PTPRD: variants seen among roughly 807,000 people sequenced by gnomAD.
The protein encoded by PTPRD is protein tyrosine phosphatase receptor type D.
A neutral mutation model predicts 214.5 loss-of-function variants in PTPRD; 34 were observed. That is an observed-to-expected ratio of 0.16 (90% CI 0.12 to 0.21). The LOEUF is 0.21. Ranked by LOEUF, PTPRD falls within the 10% of genes least tolerant of loss-of-function variation. PTPRD has a pLI of 1.00. For synonymous variants in PTPRD, 1,128 were observed against 845.7 expected (o/e 1.33, Z -5.79); for missense variants, 2,545 against 2,398.7 (o/e 1.06, Z -1.27).
chr9:9,550,190 T>C (rs2079846387), intron 8 of PTPRD, among the ~76,000 whole-genome samples: 1 of 151,900 alleles, frequency 6.6e-6, no homozygotes, highest in Non-Finnish European at 1.5e-5. Flanking sequence ...CTGCCTCTAC[T>C]GTAGCATAGA....
intron 9 of PTPRD, among the ~76,000 whole-genome samples, chr9:9,348,349 T>C (rs962990642): frequency 3.3e-5 from 5 of 152,148 alleles, no homozygotes; most frequent in Non-Finnish European, 5.9e-5. Context: ...TGTCTTGGCT[T>C]TCCTCCAACA....
intron 10 of PTPRD, among the ~76,000 whole-genome samples, chr9:9,167,420 G>C (rs2099906412): frequency 6.6e-6 from 1 of 151,474 alleles, no homozygotes; most frequent in Non-Finnish European, 1.5e-5. Flanking sequence ...GAATAAAAAT[G>C]ATTCCAAAAC....
At chr9:9,296,017 T>C (rs1034167019) in intron 9 of PTPRD, among the ~76,000 whole-genome samples, 1 of 151,822 alleles carries the variant, frequency 6.6e-6, no homozygotes, top group African/African-American at 2.4e-5. Flanking sequence ...TTTTGTTTGT[T>C]TGTTTTGTTT....
chr9:9,993,029 A>C (rs7466206), intron 4 of PTPRD, among the ~76,000 whole-genome samples: 107,038 of 151,750 alleles, frequency 0.71, 38,008 homozygotes, highest in Middle Eastern at 0.78. Context: ...AACTTTCATA[A>C]ATAGTTGTTG....
At chr9:8,657,558 C>T (rs552541737) in intron 12 of PTPRD, among the ~76,000 whole-genome samples, 13 of 152,116 alleles carry the variant, frequency 8.5e-5, no homozygotes, top group African/African-American at 2.2e-4. Context: ...CAGATGAATA[C>T]GTTGAAAAAA....
chr9:9,886,668 T>A (rs534010636), intron 5 of PTPRD, among the ~76,000 whole-genome samples: 10 of 152,310 alleles, frequency 6.6e-5, no homozygotes, highest in Admixed American at 2.6e-4. Flanking sequence ...TGGGACTTCA[T>A]TGTACTACAA....
intron 10 of PTPRD, among the ~76,000 whole-genome samples, chr9:9,124,322 A>G (rs2099821269): frequency 6.6e-6 from 1 of 152,106 alleles, no homozygotes; most frequent in South Asian, 2.1e-4. Flanking sequence ...CTTTCTAACT[A>G]TCTATCTATC....
chr9:9,353,860 T>C (rs2052517732), intron 9 of PTPRD, among the ~76,000 whole-genome samples: 1 of 151,930 alleles, frequency 6.6e-6, no homozygotes, highest in African/African-American at 2.4e-5. Flanking sequence ...TCCTCAGCTA[T>C]CACAAGGCTG....
At chr9:10,063,825 G>A (rs1030564136) in intron 3 of PTPRD, among the ~76,000 whole-genome samples, 2 of 151,842 alleles carry the variant, frequency 1.3e-5, no homozygotes, top group African/African-American at 2.4e-5. Flanking sequence ...TAGCAGTACT[G>A]GGGAAAAACA....
chr9:10,411,518 T>C (rs1035217866), intron 2 of PTPRD, among the ~76,000 whole-genome samples: 9 of 151,774 alleles, frequency 5.9e-5, no homozygotes, highest in African/African-American at 1.7e-4. Flanking sequence ...TCAGAAAGTG[T>C]TGGAAACCTG....
At chr9:8,400,034 T>C (rs901638130) in intron 36 of PTPRD, among the ~76,000 whole-genome samples, 2 of 152,124 alleles carry the variant, frequency 1.3e-5, no homozygotes, top group Non-Finnish European at 2.9e-5. Context: ...TGTCTTGTCT[T>C]TGTTGTTGAA....
intron 5 of PTPRD, among the ~76,000 whole-genome samples, chr9:9,934,771 C>CA (rs1196051441): frequency 5.3e-5 from 8 of 151,424 alleles, no homozygotes; most frequent in African/African-American, 1.9e-4. Context: ...GAGACACAAC[C>CA]AAAAAAGAGA....
chr9:10,476,228 G>A (rs779132737), intron 2 of PTPRD, among the ~76,000 whole-genome samples: 93 of 152,246 alleles, frequency 6.1e-4, no homozygotes, highest in Non-Finnish European at 8.4e-4. Flanking sequence ...TGTATATTTA[G>A]AAAACCCCAT....
chr9:9,896,505 A>C (rs1042999724), intron 5 of PTPRD, among the ~76,000 whole-genome samples: 2 of 152,026 alleles, frequency 1.3e-5, no homozygotes, highest in African/African-American at 4.8e-5. Context: ...AGTCTAGTGC[A>C]TTTGGATAGC....
chr9:9,750,299 G>C (rs889663979), intron 6 of PTPRD, among the ~76,000 whole-genome samples: 2 of 151,976 alleles, frequency 1.3e-5, no homozygotes, highest in Non-Finnish European at 1.5e-5. Context: ...TTTAAAAACT[G>C]TCTTTGCTTT....
chr9:9,132,164 T>C (rs1037410532), intron 10 of PTPRD, among the ~76,000 whole-genome samples: 6 of 152,038 alleles, frequency 3.9e-5, no homozygotes, highest in Non-Finnish European at 8.8e-5. Flanking sequence ...CCCGCCACCA[T>C]ACCTGGCTAA....
intron 11 of PTPRD, among the ~76,000 whole-genome samples, chr9:8,987,168 A>T (rs146790441): frequency 1.4e-4 from 21 of 152,142 alleles, no homozygotes; most frequent in African/African-American, 4.8e-4. Flanking sequence ...CACAGGAAAG[A>T]TATTTATTAT....
chr9:9,472,523 A>C (rs1419846575), intron 8 of PTPRD, among the ~76,000 whole-genome samples: 1 of 151,964 alleles, frequency 6.6e-6, no homozygotes. Context: ...ATCTTTAGGC[A>C]CTTGCAATCT....
chr9:8,446,598 C>T (rs2133248834), intron 34 of PTPRD, among the ~76,000 whole-genome samples: 1 of 152,188 alleles, frequency 6.6e-6, no homozygotes, highest in South Asian at 2.1e-4. Context: ...ATTTTTTGAA[C>T]AGAAGGTGTG....
Sources: allele counts gnomAD v4.1 joint callset (sites outside exome capture counted in the v4.1 genomes callset), GRCh38; gene constraint gnomAD v4.1.1; transcripts MANE v1.5; gene names NCBI Gene and HGNC (gene_info 2026-07-23, HGNC 2026-07-21).